The following REV1 variants were observed in gnomAD, a reference collection of about 807,000 sequenced individuals.
REV1 encodes the protein REV1 DNA directed polymerase, also known as translesion synthesis protein REV1.
In REV1, 42 loss-of-function variants were observed where a neutral mutation model predicts 137.4. The ratio of observed to expected loss-of-function variants is 0.31; its 90% CI spans 0.24 to 0.40. The LOEUF is 0.40. REV1 is among the 10% of genes least tolerant of loss of function. The pLI is 1.00. For missense variants in REV1, 1,282 were observed against 1,490.1 expected (o/e 0.86, Z 2.30); for synonymous variants, 524 against 519.2 (o/e 1.01, Z -0.12).
chr2:99,437,761 G>A lies in REV1; in HGVS notation c.1213+840C>T, dbSNP rs150874252. On this transcript the variant is annotated intron_variant, in intron 6 of 22. Coordinates refer to ENST00000258428, the MANE Select transcript of REV1 (RefSeq NM_016316.4). ...TAACAAGGCCAAGACATGATGTAAG[G>A]ATAATCTAGTATCTATATTATTCTG... Among the ~76,000 whole-genome samples, 450 of 152,042 alleles carry A rather than the reference G, an allele frequency of 3.0e-3. 13 individuals carry two copies. The East Asian group carries it at 0.053, about 18-fold the overall frequency.
chr2:99,429,911 A>G lies in REV1; in HGVS notation c.1476T>C (p.Asp492=), dbSNP rs1679899926. 6.2e-7 allele frequency: 1 copy of G among 1,602,564 alleles called. No individual in the cohort carries two copies. The change falls in exon 9 of 23, where the codon GAT becomes GAC. Residue 492 remains aspartate, a synonymous_variant. Transcript: ENST00000258428. ...AATCAATTCCATTTGCTTGCGCAGA[A>G]TCTGGATTCTCCCACAATGATGAAT... ...IPDSSLWENP[D]SAQANGIDSV...
rs372736402 is a variant in REV1 at position 99,402,362 on chromosome 2, A to C, written c.3542-16T>G. ...TCCATTGGATCTAGGAAGGGGGAAA[A>C]ACTTCAAATGAGGACCAGTCTTTTT... On this transcript the variant is annotated splice_polypyrimidine_tract_variant and intron_variant, in intron 21 of 22. Coordinates refer to ENST00000258428, the MANE Select transcript of REV1 (RefSeq NM_016316.4). 530 of 1,268,606 alleles carry C rather than the reference A, an allele frequency of 4.2e-4. 1 individual carries two copies. In the African/African-American group the frequency reaches 7.2e-3, roughly 17 times the overall value. 78.6% of individuals were successfully genotyped at this position (1,268,606 alleles called of 1,614,324 possible).
intron 17 of REV1, 102 bp downstream of exon 17, chr2:99,405,808 G>T: frequency 1.3e-6 from 1 of 788,696 alleles, no homozygotes; most frequent in Non-Finnish European, 1.8e-6. Flanking sequence ...TTGGTTAAAC[G>T]GATGAAGAAA....
intron 11 of REV1, among the ~76,000 whole-genome samples, chr2:99,419,561 A>G (rs1486459469): frequency 3.3e-5 from 5 of 152,168 alleles, no homozygotes; most frequent in African/African-American, 9.7e-5. Flanking sequence ...GGCCATGATC[A>G]AAGAGTAGTT....
chr2:99,402,663 T>C lies in REV1; in HGVS notation c.3522A>G (p.Glu1174=), dbSNP rs374111453. 6.2e-6 allele frequency: 10 copies of C among 1,613,880 alleles called. No homozygotes were observed. In the African/African-American group the frequency reaches 9.3e-5, roughly 15 times the overall value. Residue 1174 remains glutamate, a synonymous_variant, in exon 21 of 23, where the codon GAA becomes GAG. Coordinates refer to ENST00000258428, the MANE Select transcript of REV1 (RefSeq NM_016316.4). ...EFNDVKTLLR[E]WITTISDPME... Reference sequence around the variant, plus strand: ...GCCAACCTGAAATTGTAGTTATCCATTCTCTGAGCAAGGTCTTCACATCAT... The same window carrying C: ...GCCAACCTGAAATTGTAGTTATCCACTCTCTGAGCAAGGTCTTCACATCAT...
At chr2:99,486,607 A>G (rs2104325630) in intron 1 of REV1, among the ~76,000 whole-genome samples, 1 of 152,304 alleles carries the variant, frequency 6.6e-6, no homozygotes, top group Middle Eastern at 3.4e-3. Flanking sequence ...CCTGTGAGGT[A>G]GGTATTATTA....
chr2:99,489,467 CGGGATGCGGCCGGGCGCGGA>C (rs1244147959), intron 1 of REV1, among the ~76,000 whole-genome samples: 322 of 149,406 alleles, frequency 2.2e-3, no homozygotes, highest in African/African-American at 6.8e-3. Context: ...ACCGGGCCGG[CGGGATGCGGCCGGGCGCGGA>C]GGGAAGGGCC....
In REV1 at chr2:99,406,491, C is replaced by A; in HGVS notation, c.2449-1G>T. The A allele has an allele frequency of 6.3e-7, 1 of 1,590,690 alleles. No homozygotes were observed. Among genetic ancestry groups the A allele is most frequent in the Non-Finnish European group, 8.6e-7 (1 of 1,167,548 alleles). On this transcript the variant is annotated splice_acceptor_variant, in intron 15 of 22. Transcript: ENST00000258428. LOFTEE classifies it high-confidence loss of function. ...CCAACTGATTCACGTGAATCCCAAC[C>A]TAGAACCCAGAATAAAGAGTATGCT...
At chr2:99,435,291 A>G (rs28382896) in intron 7 of REV1, among the ~76,000 whole-genome samples, 1,995 of 152,300 alleles carry the variant, frequency 0.013, 43 homozygotes, top group African/African-American at 0.046. Flanking sequence ...GTAAACACTG[A>G]AAAACCCAGA....
At chr2:99,414,933 T>C (rs372529278) in intron 12 of REV1, among the ~76,000 whole-genome samples, 2 of 152,322 alleles carry the variant, frequency 1.3e-5, no homozygotes, top group African/African-American at 4.8e-5. Flanking sequence ...GCACTACAGG[T>C]GCAAAGGAAA....
chr2:99,424,132 G>T lies in REV1; in HGVS notation c.1676+20C>A. ...AAGAAGGAAAACACAGACACAAAATGACAGTTTGATACACTGTACCTTGCC... is the reference window on the plus strand; with the variant it reads ...AAGAAGGAAAACACAGACACAAAATTACAGTTTGATACACTGTACCTTGCC... On this transcript the variant is annotated intron_variant, in intron 10 of 22. Transcript: ENST00000258428. The T allele has an allele frequency of 1.2e-6, 2 of 1,606,282 alleles. No homozygotes were observed. Among genetic ancestry groups the T allele is most frequent in the South Asian group, 1.1e-5 (1 of 89,332 alleles).
intron 5 of REV1, among the ~76,000 whole-genome samples, chr2:99,441,301 T>C (rs1681460702): frequency 6.6e-6 from 1 of 152,128 alleles, no homozygotes; most frequent in African/African-American, 2.4e-5. Flanking sequence ...CTCAGATTAA[T>C]TAGACTCCTG....
chr2:99,430,555 T>C (rs1416365841), intron 8 of REV1, among the ~76,000 whole-genome samples: 12 of 152,218 alleles, frequency 7.9e-5, no homozygotes, highest in Non-Finnish European at 4.4e-5. Flanking sequence ...CTACAGGTAA[T>C]TGTATTTTGG....
intron 3 of REV1, among the ~76,000 whole-genome samples, chr2:99,457,902 AACTG>A (rs1683718381): frequency 6.6e-6 from 1 of 152,104 alleles, no homozygotes; most frequent in Admixed American, 6.5e-5. Context: ...AAATATGCCT[AACTG>A]ACTGTGTTGC....
At chr2:99,411,875 C>G (rs1380759834) in intron 13 of REV1, among the ~76,000 whole-genome samples, 1 of 152,038 alleles carries the variant, frequency 6.6e-6, no homozygotes, top group Admixed American at 6.5e-5. Flanking sequence ...AGTGTAGGCA[C>G]AGAGGGTAAT....
chr2:99,419,404 G>T (rs1559312294), intron 11 of REV1, among the ~76,000 whole-genome samples: 1 of 151,648 alleles, frequency 6.6e-6, no homozygotes, highest in South Asian at 2.1e-4. Context: ...TACAGACGGG[G>T]TTTCACCATG....
chr2:99,406,269 G>A (rs900413231), intron 16 of REV1, 56 bp downstream of exon 16: 33 of 1,511,444 alleles, frequency 2.2e-5, no homozygotes, highest in Middle Eastern at 1.8e-4. Flanking sequence ...ACCAACTGCC[G>A]TCTTTCCAAG....
intron 7 of REV1, 38 bp downstream of exon 7, chr2:99,435,796 T>A (rs765353402): frequency 2.0e-6 from 2 of 986,810 alleles, no homozygotes; most frequent in Admixed American, 4.5e-5. Context: ...TTTATAACAA[T>A]ATATCAGTTT....
chr2:99,411,898 T>C (rs1677207466), intron 13 of REV1, among the ~76,000 whole-genome samples: 1 of 151,976 alleles, frequency 6.6e-6, no homozygotes, highest in Non-Finnish European at 1.5e-5. Flanking sequence ...ACTCATCACA[T>C]TTCAAATCCT....
Sources: gnomAD v4.1 joint callset for allele counts (sites outside exome capture counted in the v4.1 genomes callset) on GRCh38, gnomAD v4.1.1 for gene constraint, MANE v1.5 for transcripts, NCBI Gene and HGNC (gene_info 2026-07-23, HGNC 2026-07-21) for gene names.